HIVEP3: variants seen among roughly 807,000 people sequenced by gnomAD.
HIVEP3 encodes transcription factor HIVEP3.
Under a neutral mutation model 152.8 loss-of-function variants are expected in HIVEP3, and 49 were observed. The observed-to-expected ratio is 0.32, with a 90% CI of 0.26 to 0.41. The LOEUF is 0.41. Ranked by LOEUF, HIVEP3 falls within the 10% of genes least tolerant of loss-of-function variation. The pLI is 1.00. For missense variants in HIVEP3, 2,790 were observed against 3,103.3 expected, an observed-to-expected ratio of 0.90 and a Z score of 2.40; for synonymous variants, 1,269 against 1,289.0, an observed-to-expected ratio of 0.98 and a Z score of 0.33.
intron 1 of HIVEP3, among the ~76,000 whole-genome samples, chr1:41,718,053 A>G (rs1378132165): frequency 6.6e-6 from 1 of 152,264 alleles, no homozygotes; most frequent in Non-Finnish European, 1.5e-5. Flanking sequence ...TCCCAGAATC[A>G]GAATGACCGG....
chr1:41,548,735 C>A (rs1463681711), intron 5 of HIVEP3, among the ~76,000 whole-genome samples: 1 of 152,082 alleles, frequency 6.6e-6, no homozygotes, highest in African/African-American at 2.4e-5. Flanking sequence ...GGGGTTTTAC[C>A]ATGTTGGCCA....
chr1:41,639,501 G>C (rs771147538), intron 2 of HIVEP3, among the ~76,000 whole-genome samples: 1 of 152,238 alleles, frequency 6.6e-6, no homozygotes, highest in African/African-American at 2.4e-5. Flanking sequence ...TGTGAAATGA[G>C]TATGAACCCA....
chr1:41,927,663 G>A (rs1220907799), intron 1 of HIVEP3, among the ~76,000 whole-genome samples: 1 of 152,092 alleles, frequency 6.6e-6, no homozygotes, highest in African/African-American at 2.4e-5. Context: ...ATCAGAAGAT[G>A]GACCACCAGT....
intron 1 of HIVEP3, among the ~76,000 whole-genome samples, chr1:41,961,159 T>C (rs1338653472): frequency 6.6e-6 from 1 of 152,200 alleles, no homozygotes; most frequent in Non-Finnish European, 1.5e-5. Flanking sequence ...CACCAAGCTG[T>C]GTGGAAGCTC....
At position 41,575,520 on chromosome 1, in the gene HIVEP3, A is replaced by T. The variant is rs377071794; in HGVS notation, c.5207+24T>A. 3.3e-5 allele frequency: 53 copies of T among 1,612,116 alleles called. No homozygotes were observed. In the African/African-American group the frequency reaches 6.5e-4, roughly 20 times the overall value. On this transcript the variant is annotated intron_variant, in intron 5 of 8. Coordinates refer to ENST00000372583, the MANE Select transcript of HIVEP3 (RefSeq NM_024503.5). ...AGCTCTTATTCCACGGAAGCAGACG[A>T]TGGAAACCAAACATGAGTCTTACCC... is the stretch of plus-strand genomic sequence containing the variant.
rs138171949 is a variant in HIVEP3 at position 41,631,795 on chromosome 1, C to T, written c.-720-2848G>A. ...TATCCTCCCTGATCTGACCTCATGC[C>T]CTCCAATAGATTGCAGTTATTAATC... On this transcript the variant is annotated intron_variant, in intron 2 of 8. Transcript: ENST00000372583. Among the ~76,000 whole-genome samples, 5 of 152,264 alleles carry T rather than the reference C, an allele frequency of 3.3e-5. No individual in the cohort carries two copies. In the East Asian group the frequency reaches 7.7e-4, roughly 24 times the overall value.
At chr1:41,881,181 C>A (rs142970534) in intron 1 of HIVEP3, among the ~76,000 whole-genome samples, 2 of 152,168 alleles carry the variant, frequency 1.3e-5, no homozygotes, top group Admixed American at 1.3e-4. Context: ...ATGAGGGCAA[C>A]GAAGACCATG....
intron 1 of HIVEP3, among the ~76,000 whole-genome samples, chr1:41,743,527 T>C (rs552477449): frequency 1.3e-5 from 2 of 152,338 alleles, no homozygotes; most frequent in African/African-American, 2.4e-5. Flanking sequence ...GTGTTTGCTA[T>C]GCAGCTCCAA....
chr1:41,954,687 C>G (rs2124493634), intron 1 of HIVEP3, among the ~76,000 whole-genome samples: 1 of 152,348 alleles, frequency 6.6e-6, no homozygotes, highest in Non-Finnish European at 1.5e-5. Context: ...TCTGCAGAGC[C>G]ATTAAACCAT....
rs139112540 is a variant in HIVEP3, at chr1:41,559,652, T to C, written c.5207+15892A>G. ...TGCTTTTGTGTACACTTATCACATGTTGCCTCCTACTTCCTTCCTCCTGTT... is the reference window on the plus strand; with the variant it reads ...TGCTTTTGTGTACACTTATCACATGCTGCCTCCTACTTCCTTCCTCCTGTT... On this transcript the variant is annotated intron_variant, in intron 5 of 8. Coordinates refer to ENST00000372583, the MANE Select transcript of HIVEP3 (RefSeq NM_024503.5). 5.1e-3 allele frequency among the ~76,000 whole-genome samples: 772 copies of C among 152,308 alleles called. 3 individuals carry two copies. The highest frequency in any genetic ancestry group is 0.018 in the African/African-American group (740 of 41,558).
chr1:41,902,476 G>T (rs1644641592), intron 1 of HIVEP3, among the ~76,000 whole-genome samples: 1 of 152,142 alleles, frequency 6.6e-6, no homozygotes, highest in Non-Finnish European at 1.5e-5. Context: ...ACCCCCCACT[G>T]CCAGGGCAAG....
rs542464978 is a variant in HIVEP3 at position 41,564,762 on chromosome 1, C to G, written c.5207+10782G>C. Among the ~76,000 whole-genome samples, 4 of 152,348 alleles carry G rather than the reference C, an allele frequency of 2.6e-5. No individual in the cohort carries two copies. In the South Asian group the frequency reaches 6.2e-4, roughly 24 times the overall value. ...AAAGTATTTCCCTCTCATGCATCTT[C>G]TCTGAAGAAGACCACACTGAAGGAT... On this transcript the variant is annotated intron_variant, in intron 5 of 8. Transcript: ENST00000372583.
intron 5 of HIVEP3, among the ~76,000 whole-genome samples, chr1:41,552,953 G>T (rs1262495325): frequency 6.6e-6 from 1 of 152,204 alleles, no homozygotes; most frequent in Admixed American, 6.5e-5. Context: ...GCTATGTGGT[G>T]CTGAGAAGAA....
chr1:41,581,323 A>T lies in HIVEP3; in HGVS notation c.3475T>A (p.Ser1159Thr). The T allele has an allele frequency of 6.2e-7, 1 of 1,613,380 alleles. No individual in the cohort carries two copies. Among genetic ancestry groups the T allele is most frequent in the Non-Finnish European group, 8.5e-7 (1 of 1,179,766 alleles). ...QHLVQHEPGQ[S>T]PEFFSTQAMS... ...GCCTGGGTGGAGAAGAATTCTGGAG[A>T]CTGTCCTGGCTCATGCTGCACGAGA... Residue 1159 changes from serine to threonine, a missense_variant, in exon 4 of 9, where the codon TCT becomes ACT. This residue lies in a region of HIVEP3 where 1,078 missense variants were observed against 1,165.3 expected (regional missense o/e 0.93). Transcript: ENST00000372583. This position sits in a 1 kb window ranked among gnomAD's most constrained non-coding sequence, Gnocchi z 4.5.
chr1:41,736,334 A>C (rs1646919340), intron 1 of HIVEP3, among the ~76,000 whole-genome samples: 1 of 152,136 alleles, frequency 6.6e-6, no homozygotes, highest in African/African-American at 2.4e-5. Flanking sequence ...TCCATAAGAA[A>C]ACAGACCAAG....
intron 3 of HIVEP3, among the ~76,000 whole-genome samples, chr1:41,620,354 A>G (rs528174560): frequency 6.6e-6 from 1 of 152,334 alleles, no homozygotes; most frequent in East Asian, 1.9e-4. Flanking sequence ...CTTTTAGGAT[A>G]GCTGGCTTTA....
chr1:41,837,024 G>A (rs1217060606), intron 1 of HIVEP3, among the ~76,000 whole-genome samples: 2 of 152,148 alleles, frequency 1.3e-5, no homozygotes, highest in African/African-American at 4.8e-5. Flanking sequence ...AAGCCTACAA[G>A]AGCCTATAGG....
chr1:41,946,546 C>G (rs1000978969), intron 1 of HIVEP3, among the ~76,000 whole-genome samples: 4 of 152,144 alleles, frequency 2.6e-5, no homozygotes, highest in African/African-American at 9.7e-5. Flanking sequence ...TTTTCACATG[C>G]TTTTCTAATT....
intron 1 of HIVEP3, among the ~76,000 whole-genome samples, chr1:41,989,746 C>G (rs187301767): frequency 6.6e-6 from 1 of 151,842 alleles, no homozygotes; most frequent in Non-Finnish European, 1.5e-5. Flanking sequence ...GATTGCAACC[C>G]CTGCCTTTTT....
Sources: allele counts gnomAD v4.1 joint callset (sites outside exome capture counted in the v4.1 genomes callset), GRCh38; gene constraint gnomAD v4.1.1; regional missense constraint gnomAD v4.1.1; non-coding constraint Gnocchi (gnomAD v3.1); transcripts MANE v1.5; gene names NCBI Gene and HGNC (gene_info 2026-07-23, HGNC 2026-07-21).